The following ZCCHC2 variants were observed in gnomAD, a reference collection of about 807,000 sequenced individuals.
ZCCHC2 encodes zinc finger CCHC domain-containing protein 2.
ZCCHC2 carries 39 observed loss-of-function variants against 103.6 expected under a neutral mutation model. The observed-to-expected ratio is 0.38, with a 90% confidence interval of 0.29 to 0.49. The LOEUF (loss-of-function observed/expected upper bound fraction) is 0.49, where lower values mean the gene tolerates loss of function less well. Among genes scored for constraint, ZCCHC2 ranks in the 20% least tolerant of loss-of-function variants. The pLI is 0.96. For synonymous variants in ZCCHC2, 687 were observed against 608.9 expected (o/e 1.13, Z -1.89); for missense variants, 1,483 against 1,491.0 (o/e 0.99, Z 0.09).
At chr18:62,558,613 A>G in intron 6 of ZCCHC2, 74 bp from the exon 7 acceptor site, 1 of 933,984 alleles carries the variant, frequency 1.1e-6, no homozygotes, top group Non-Finnish European at 1.5e-6. Flanking sequence ...CCTTAGGTAA[A>G]AAAACAATTA....
intron 6 of ZCCHC2, among the ~76,000 whole-genome samples, chr18:62,557,939 T>C (rs1915963007): frequency 6.6e-6 from 1 of 152,126 alleles, no homozygotes; most frequent in Non-Finnish European, 1.5e-5. Flanking sequence ...GGAAATCTTG[T>C]CAGCCTAACG....
At chr18:62,554,106 A>G (rs1242140377) in intron 5 of ZCCHC2, among the ~76,000 whole-genome samples, 3 of 152,202 alleles carry the variant, frequency 2.0e-5, no homozygotes, top group Non-Finnish European at 4.4e-5. Flanking sequence ...ATTTTGATGT[A>G]GGGAGTATGG....
intron 1 of ZCCHC2, chr18:62,526,765 A>G (rs1011906440): frequency 6.6e-6 from 1 of 151,864 alleles, no homozygotes; most frequent in Non-Finnish European, 1.5e-5. Context: ...GCACGGCGAT[A>G]TAGGGTCCGT....
At position 62,523,376 on chromosome 18, in the gene ZCCHC2, G is replaced by GCGGGGCCCC; in HGVS notation, c.-48_-47insGGGGCCCCC. 4 of 1,012,356 alleles carry GCGGGGCCCC rather than the reference G, an allele frequency of 4.0e-6. No homozygotes were observed. Among genetic ancestry groups the GCGGGGCCCC allele is most frequent in the Non-Finnish European group, 4.7e-6 (4 of 848,992 alleles). 62.7% of individuals were successfully genotyped at this position (1,012,356 alleles called of 1,614,324 possible). A position where few individuals can be genotyped will look rare whatever the true frequency, so the allele number is the denominator to read the frequency against. Reference sequence around the variant, plus strand: ...GCCTCGGCCCGTGCTCCACCTCGCGGCCCCTCCCGCCCGCCCCCGCTCGCA... The same window carrying GCGGGGCCCC: ...GCCTCGGCCCGTGCTCCACCTCGCGGCGGGGCCCCCCCCTCCCGCCCGCCCCCGCTCGCA... On this transcript the variant is annotated 5_prime_UTR_variant, in exon 1 of 14. Coordinates refer to ENST00000269499, the MANE Select transcript of ZCCHC2 (RefSeq NM_017742.6).
chr18:62,539,999 ACG>A (rs1915106119), intron 2 of ZCCHC2, among the ~76,000 whole-genome samples: 1 of 152,066 alleles, frequency 6.6e-6, no homozygotes, highest in Admixed American at 6.6e-5. Flanking sequence ...TTGTCCTAGC[ACG>A]CACACAGTCA....
In ZCCHC2 at chr18:62,575,437, A is replaced by G; in HGVS notation, c.3356A>G (p.Asn1119Ser). The part of the protein sequence containing the change: ...PVYPAPNVVA[N>S]TSGSGPKKNG... ...TATCCAGCACCTAACGTAGTTGCCAACACCAGTGGTTCGGGGCCCAAGAAG... is the reference window on the plus strand; with the variant it reads ...TATCCAGCACCTAACGTAGTTGCCAGCACCAGTGGTTCGGGGCCCAAGAAG... Residue 1119 changes from asparagine to serine, a missense_variant, in exon 13 of 14, where the codon AAC becomes AGC. By Grantham distance (46) the Asn-to-Ser change is conservative. Transcript: ENST00000269499. The G allele has an allele frequency of 3.7e-6, 6 of 1,614,042 alleles. No homozygotes were observed. The highest frequency in any genetic ancestry group is 5.1e-6 in the Non-Finnish European group (6 of 1,179,892).
Position 62,556,217 on chromosome 18 carries a change from G to C in ZCCHC2, c.1328G>C (p.Ser443Thr), listed in dbSNP as rs1251258452. The C allele has an allele frequency of 6.2e-7, 1 of 1,601,244 alleles. No homozygotes were observed. Among genetic ancestry groups the C allele is most frequent in the Non-Finnish European group, 8.5e-7 (1 of 1,173,346 alleles). The change falls in exon 6 of 14, where the codon AGT (serine) becomes ACT (threonine). Residue 443 changes from serine (S) to threonine (T), a missense_variant. Transcript: ENST00000269499. The stretch of plus-strand genomic sequence containing the variant: ...TTTATGTGCAGGCAGCTATTTTCAA[G>C]TTCATCACAAGCTTTTCTACAAAGT... ...LEPILRQLFS[S>T]SSQAFLQSQK...
chr18:62,557,703 A>C (rs1915954750), intron 6 of ZCCHC2, among the ~76,000 whole-genome samples: 1 of 152,196 alleles, frequency 6.6e-6, no homozygotes, highest in African/African-American at 2.4e-5. Context: ...GCATCAGTTT[A>C]GTTTCAAAAA....
chr18:62,574,977 C>G lies in ZCCHC2; in HGVS notation c.2896C>G (p.Pro966Ala). 1 of 1,613,942 alleles carries G rather than the reference C, an allele frequency of 6.2e-7. No individual in the cohort carries two copies. Among genetic ancestry groups the G allele is most frequent in the Non-Finnish European group, 8.5e-7 (1 of 1,179,876 alleles). ...TVPPAVPTHTPGPAPSPSPAL... is the reference protein window; with the variant it reads ...TVPPAVPTHTAGPAPSPSPAL... The stretch of plus-strand genomic sequence containing the variant: ...TCCTCCTGCAGTTCCTACCCACACC[C>G]CAGGCCCTGCCCCGAGCCCAAGCCC... The change falls in exon 13 of 14, where the codon CCA (proline) becomes GCA (alanine). Residue 966 changes from proline (P) to alanine (A), a missense_variant. Physicochemically the swap from Pro to Ala is conservative, Grantham distance 27 (BLOSUM62 -1). Coordinates refer to ENST00000269499, the MANE Select transcript of ZCCHC2 (RefSeq NM_017742.6).
rs1434280817 is a variant in ZCCHC2 at position 62,523,329 on chromosome 18, C to G, written c.-96C>G. On this transcript the variant is annotated 5_prime_UTR_variant, in exon 1 of 14. Coordinates refer to ENST00000269499, the MANE Select transcript of ZCCHC2 (RefSeq NM_017742.6). ...CTCCCCCGGCGGCATGGAGGGGCCCCGCTCCTGACGGCCGCGCCGCCGCCT... is the reference window on the plus strand; with the variant it reads ...CTCCCCCGGCGGCATGGAGGGGCCCGGCTCCTGACGGCCGCGCCGCCGCCT... 1.0e-6 allele frequency: 1 copy of G among 985,774 alleles called. No individual in the cohort carries two copies. The highest frequency in any genetic ancestry group is 1.2e-6 in the Non-Finnish European group (1 of 831,072). 61.1% of individuals were successfully genotyped at this position (985,774 alleles called of 1,614,324 possible). A position where few individuals can be genotyped will look rare whatever the true frequency, so the allele number is the denominator to read the frequency against.
intron 1 of ZCCHC2, chr18:62,539,370 T>G: frequency 4.8e-6 from 1 of 210,422 alleles, no homozygotes; most frequent in East Asian, 1.1e-4. Context: ...CTATGGAGGA[T>G]TAGTGTAAAG....
At chr18:62,524,541 C>T (rs946235680) in intron 1 of ZCCHC2, 178 bp downstream of exon 1, 1 of 986,310 alleles carries the variant, frequency 1.0e-6, no homozygotes, top group Non-Finnish European at 1.4e-6. Flanking sequence ...CCGCTCCGTT[C>T]CACTCCCCCA....
chr18:62,549,843 GTTCT>G (rs750637163), intron 4 of ZCCHC2, among the ~76,000 whole-genome samples: 1 of 152,178 alleles, frequency 6.6e-6, no homozygotes, highest in Non-Finnish European at 1.5e-5. Context: ...CTCATATTCA[GTTCT>G]TTATTTGCTT....
chr18:62,527,356 A>G (rs1914476709), intron 1 of ZCCHC2, among the ~76,000 whole-genome samples: 2 of 152,196 alleles, frequency 1.3e-5, no homozygotes, highest in South Asian at 2.1e-4. Flanking sequence ...GACTGGGCCC[A>G]GCAACTGTTA....
intron 1 of ZCCHC2, among the ~76,000 whole-genome samples, chr18:62,530,894 T>C (rs1445541190): frequency 1.3e-5 from 2 of 152,250 alleles, no homozygotes; most frequent in Non-Finnish European, 2.9e-5. Context: ...TTCTATAACT[T>C]AAATCTGTTT....
chr18:62,539,047 C>A (rs17070075), intron 1 of ZCCHC2, among the ~76,000 whole-genome samples: 1 of 152,150 alleles, frequency 6.6e-6, no homozygotes, highest in African/African-American at 2.4e-5. Flanking sequence ...TGATTTCTGG[C>A]GAGCTGTTTG....
In ZCCHC2 at chr18:62,564,349, A is replaced by C. The variant is rs909561999; in HGVS notation, c.1687-222A>C. Among the ~76,000 whole-genome samples, 34 of 152,236 alleles carry C rather than the reference A, an allele frequency of 2.2e-4. 1 individual carries two copies. Among genetic ancestry groups the C allele is most frequent in the Non-Finnish European group, 7.3e-5 (5 of 68,038 alleles). On this transcript the variant is annotated intron_variant, in intron 9 of 13. Coordinates refer to ENST00000269499, the MANE Select transcript of ZCCHC2 (RefSeq NM_017742.6). ...AAAGAATGTAGGTCCATTTTCAAAGAAAAATAGAAAATAATACTGTATTAA... is the reference window on the plus strand; with the variant it reads ...AAAGAATGTAGGTCCATTTTCAAAGCAAAATAGAAAATAATACTGTATTAA...
intron 3 of ZCCHC2, among the ~76,000 whole-genome samples, chr18:62,543,536 A>C (rs376467828): frequency 2.6e-5 from 4 of 152,152 alleles, no homozygotes; most frequent in African/African-American, 9.7e-5. Flanking sequence ...CTCCACGCTC[A>C]GTCAGGCTGG....
chr18:62,523,238 C>T lies in ZCCHC2; in HGVS notation c.-187C>T. 1 of 339,754 alleles carries T rather than the reference C, an allele frequency of 2.9e-6. No homozygotes were observed. Among genetic ancestry groups the T allele is most frequent in the Non-Finnish European group, 4.2e-6 (1 of 239,816 alleles). The allele number at this position is 339,754 out of a possible 1,614,324, so 21.0% of individuals were successfully genotyped here. ...CCCCGCCCCCAGCCCGGGAAGACGA[C>T]GCCAGCGACCCCGCCGGCCGGCCAC... On this transcript the variant is annotated 5_prime_UTR_variant, in exon 1 of 14. The change creates a new upstream start codon in the 5' untranslated region. Transcript: ENST00000269499.
Sources: allele counts gnomAD v4.1 joint callset (sites outside exome capture counted in the v4.1 genomes callset), GRCh38; gene constraint gnomAD v4.1.1; transcripts MANE v1.5; gene names NCBI Gene and HGNC (gene_info 2026-07-23, HGNC 2026-07-21).